The following ATG7 variants were observed in gnomAD, a reference collection of about 807,000 sequenced individuals.
ATG7 encodes the protein autophagy related 7, also known as ubiquitin-like modifier-activating enzyme ATG7.
ATG7 carries 70 observed loss-of-function variants against 82.4 expected under a neutral mutation model. The observed-to-expected ratio is 0.85, with a 90% CI of 0.70 to 1.04. The LOEUF is 1.04. Ranked by LOEUF, ATG7 falls within the 50% of genes least tolerant of loss-of-function variation. ATG7 has a pLI of 0.00. For synonymous variants in ATG7, 287 were observed against 313.0 expected, an observed-to-expected ratio of 0.92 and a Z score of 0.88; for missense variants, 792 against 864.3, an observed-to-expected ratio of 0.92 and a Z score of 1.05.
intron 20 of ATG7, among the ~76,000 whole-genome samples, chr3:11,453,393 A>G (rs1304284035): frequency 2.6e-5 from 4 of 152,236 alleles, no homozygotes; most frequent in Non-Finnish European, 5.9e-5. Context: ...ATAAAAGGAT[A>G]TGCTTGCTAA....
intron 20 of ATG7, among the ~76,000 whole-genome samples, chr3:11,526,340 C>T (rs879303142): frequency 7.9e-5 from 12 of 152,002 alleles, no homozygotes; most frequent in Admixed American, 6.6e-4. Context: ...TTTAGTGAGC[C>T]GTGATCACTC....
the ATG7 span, among the ~76,000 whole-genome samples, chr3:11,568,431 G>A: frequency 1.1e-4 from 17 of 152,298 alleles, no homozygotes; most frequent in East Asian, 9.7e-4. This position sits in a 1 kb window ranked among gnomAD's most constrained non-coding sequence, Gnocchi z 5.9. Context: ...CCCACTGTGC[G>A]CCCACCCTAC....
At chr3:11,541,830 A>G (rs1478092733) in intron 20 of ATG7, among the ~76,000 whole-genome samples, 2 of 152,250 alleles carry the variant, frequency 1.3e-5, no homozygotes, top group African/African-American at 4.8e-5. Flanking sequence ...GGAACTGGAA[A>G]TAAGAACTAC....
chr3:11,331,107 A>G (rs548719000), intron 9 of ATG7, among the ~76,000 whole-genome samples: 1 of 152,218 alleles, frequency 6.6e-6, no homozygotes, highest in African/African-American at 2.4e-5. Context: ...GCCAGGCACA[A>G]TGCAAGGCAC....
At chr3:11,276,706 A>C (rs372654615) in intron 1 of ATG7, among the ~76,000 whole-genome samples, 18 of 152,216 alleles carry the variant, frequency 1.2e-4, no homozygotes, top group East Asian at 3.9e-4. Flanking sequence ...ACTTTGTATT[A>C]TCTCTCTGGC....
At chr3:11,343,435 A>G (rs905459951) in intron 13 of ATG7, among the ~76,000 whole-genome samples, 17 of 151,792 alleles carry the variant, frequency 1.1e-4, no homozygotes, top group African/African-American at 3.9e-4. Flanking sequence ...TCTTTTATTC[A>G]TGTTCTTTGG....
In ATG7 at chr3:11,451,845, C is replaced by CTA. The variant is rs1559652674; in HGVS notation, c.2079+24920_2079+24921insAT. ...CTGCCCTGTCTCTCTCTATCTCTCT[C>CTA]TCTATATATATATACGCCTTTACAT... On this transcript the variant is annotated intron_variant, in intron 20 of 20. Coordinates refer to ENST00000693202, the MANE Select transcript of ATG7 (RefSeq NM_001349232.2). 1.1e-3 allele frequency among the ~76,000 whole-genome samples: 168 copies of CTA among 149,846 alleles called. 2 individuals are homozygous for CTA. Among genetic ancestry groups the CTA allele is most frequent in the African/African-American group, 3.8e-3 (156 of 40,726 alleles).
chr3:11,532,728 C>T (rs887288765), intron 20 of ATG7, among the ~76,000 whole-genome samples: 3 of 152,116 alleles, frequency 2.0e-5, no homozygotes, highest in African/African-American at 4.8e-5. Flanking sequence ...TCGTAAAAAA[C>T]GAAACAACAC....
At chr3:11,402,880 G>T (rs1174575657) in intron 19 of ATG7, among the ~76,000 whole-genome samples, 3 of 152,086 alleles carry the variant, frequency 2.0e-5, no homozygotes, top group African/African-American at 7.2e-5. Flanking sequence ...AGACTTACCA[G>T]ATTAATTTAT....
At chr3:11,469,703 G>A (rs1303039551) in intron 20 of ATG7, among the ~76,000 whole-genome samples, 1 of 151,790 alleles carries the variant, frequency 6.6e-6, no homozygotes, top group Admixed American at 6.6e-5. Flanking sequence ...TGGTGTACTG[G>A]GGCCAAGCAT....
At chr3:11,515,128 C>T (rs1575148565) in intron 20 of ATG7, among the ~76,000 whole-genome samples, 1 of 152,044 alleles carries the variant, frequency 6.6e-6, no homozygotes, top group African/African-American at 2.4e-5. Context: ...CATGAGCCAC[C>T]GCGCCTGGCC....
chr3:11,407,880 T>C (rs1453240841), intron 19 of ATG7, among the ~76,000 whole-genome samples: 1 of 152,170 alleles, frequency 6.6e-6, no homozygotes, highest in Non-Finnish European at 1.5e-5. Context: ...CTTCAGGGCC[T>C]GTAGTGGGAG....
chr3:11,350,423 G>A (rs1384406257), intron 14 of ATG7, among the ~76,000 whole-genome samples: 2 of 152,140 alleles, frequency 1.3e-5, no homozygotes, highest in South Asian at 4.2e-4. Context: ...GGTTGGCTGT[G>A]GTTCAGCTGT....
chr3:11,575,681 C>T, the ATG7 span, among the ~76,000 whole-genome samples: 4 of 152,228 alleles, frequency 2.6e-5, no homozygotes, highest in East Asian at 3.9e-4. Context: ...AGAGACCTGT[C>T]GGAAACGCTG....
chr3:11,372,425 G>C (rs2077062228), intron 18 of ATG7, among the ~76,000 whole-genome samples: 1 of 150,834 alleles, frequency 6.6e-6, no homozygotes, highest in Non-Finnish European at 1.5e-5. Flanking sequence ...GCAGTGTTTT[G>C]AAAAATTAAG....
chr3:11,281,734 A>G (rs756017588), intron 2 of ATG7, among the ~76,000 whole-genome samples: 2 of 150,752 alleles, frequency 1.3e-5, no homozygotes, highest in African/African-American at 4.9e-5. Context: ...AGATCGTGCC[A>G]TTGCACTCTA....
intron 19 of ATG7, among the ~76,000 whole-genome samples, chr3:11,405,216 C>T (rs571034769): frequency 4.6e-5 from 7 of 152,216 alleles, no homozygotes; most frequent in African/African-American, 1.4e-4. Context: ...TTCCTGACAC[C>T]ATACAGGTGA....
rs189217172 is a variant in ATG7 at position 11,530,575 on chromosome 3, A to G, written c.2080-24236A>G. Among the ~76,000 whole-genome samples the G allele has an allele frequency of 2.9e-3, 447 of 152,258 alleles. 1 individual carries two copies. The highest frequency in any genetic ancestry group is 0.01 in the African/African-American group (425 of 41,534). ...CATTCCAGACTTGATGGTGAAATGAATCCCCTCCTCTGAGACCAACCGCTG... is the reference window on the plus strand; with the variant it reads ...CATTCCAGACTTGATGGTGAAATGAGTCCCCTCCTCTGAGACCAACCGCTG... On this transcript the variant is annotated intron_variant, in intron 20 of 20. Transcript: ENST00000693202.
chr3:11,305,647 C>A (rs1265912089), intron 5 of ATG7, among the ~76,000 whole-genome samples: 1 of 152,140 alleles, frequency 6.6e-6, no homozygotes, highest in Admixed American at 6.5e-5. Flanking sequence ...GAAAAATATT[C>A]TTTTATTGGA....
Sources: allele counts gnomAD v4.1 joint callset (sites outside exome capture counted in the v4.1 genomes callset), GRCh38; gene constraint gnomAD v4.1.1; non-coding constraint Gnocchi (gnomAD v3.1); transcripts MANE v1.5; gene names NCBI Gene and HGNC (gene_info 2026-07-23, HGNC 2026-07-21).